Variants in DDAH1 observed in about 807,000 individuals in gnomAD.
The protein encoded by DDAH1 is dimethylarginine dimethylaminohydrolase 1.
DDAH1 carries 19 observed loss-of-function variants against 28.8 expected under a neutral mutation model. The observed-to-expected ratio is 0.66, with a 90% CI of 0.46 to 0.97. The LOEUF is 0.97. Among genes scored for constraint, DDAH1 ranks in the 50% least tolerant of loss-of-function variants. DDAH1 has a pLI of 0.00. For synonymous variants in DDAH1, 153 were observed against 154.4 expected (o/e 0.99, Z 0.07); for missense variants, 326 against 375.9 (o/e 0.87, Z 1.10).
chr1:85,476,365 T>C (rs889036527), intron 2 of DDAH1, among the ~76,000 whole-genome samples: 1 of 152,166 alleles, frequency 6.6e-6, no homozygotes, highest in Non-Finnish European at 1.5e-5. Context: ...GATTAGGAAT[T>C]GGGGAAAAGC....
At chr1:85,330,545 C>T (rs1245318728) in intron 4 of DDAH1, among the ~76,000 whole-genome samples, 1 of 152,160 alleles carries the variant, frequency 6.6e-6, no homozygotes, top group African/African-American at 2.4e-5. Flanking sequence ...CACCTAAACC[C>T]TCCACACGTC....
At chr1:85,373,406 G>A (rs753914950) in intron 1 of DDAH1, among the ~76,000 whole-genome samples, 1 of 152,018 alleles carries the variant, frequency 6.6e-6, no homozygotes, top group Non-Finnish European at 1.5e-5. Context: ...TCAAAGGAGG[G>A]ACCTGTTATC....
chr1:85,385,991 T>C (rs1409480410), intron 1 of DDAH1, among the ~76,000 whole-genome samples: 4 of 152,024 alleles, frequency 2.6e-5, no homozygotes, highest in Non-Finnish European at 5.9e-5. Context: ...CAGGAACTAA[T>C]AGAGTGAGAA....
chr1:85,370,463 T>C (rs901094581), intron 1 of DDAH1, among the ~76,000 whole-genome samples: 1 of 152,220 alleles, frequency 6.6e-6, no homozygotes, highest in African/African-American at 2.4e-5. Context: ...TTAAGTATTA[T>C]TGGAAGTCAC....
intron 1 of DDAH1, among the ~76,000 whole-genome samples, chr1:85,544,730 C>A (rs1658568679): frequency 1.3e-5 from 2 of 152,178 alleles, no homozygotes; most frequent in South Asian, 4.1e-4. Flanking sequence ...GAACACGACT[C>A]CTTTTAACTA....
chr1:85,342,262 A>G (rs962267137), intron 4 of DDAH1, among the ~76,000 whole-genome samples: 2 of 152,136 alleles, frequency 1.3e-5, no homozygotes, highest in Non-Finnish European at 2.9e-5. Flanking sequence ...TCAACATATG[A>G]TTATTATTTT....
At chr1:85,411,344 G>A (rs967414903) in intron 1 of DDAH1, among the ~76,000 whole-genome samples, 7 of 152,186 alleles carry the variant, frequency 4.6e-5, no homozygotes, top group Non-Finnish European at 1.0e-4. Flanking sequence ...AAGTGTTAAG[G>A]TCAAGTAGGT....
chr1:85,361,189 A>G (rs996755169), intron 1 of DDAH1, among the ~76,000 whole-genome samples: 2 of 152,230 alleles, frequency 1.3e-5, no homozygotes, highest in African/African-American at 4.8e-5. Context: ...CCGTTGAAGC[A>G]GACAAACTCA....
At chr1:85,415,617 A>C (rs1195590124) in intron 1 of DDAH1, among the ~76,000 whole-genome samples, 1 of 152,230 alleles carries the variant, frequency 6.6e-6, no homozygotes, top group Non-Finnish European at 1.5e-5. Flanking sequence ...AAACATAAAA[A>C]GTATGATTCT....
At chr1:85,434,788 C>T (rs1456093916) in intron 1 of DDAH1, among the ~76,000 whole-genome samples, 9 of 152,054 alleles carry the variant, frequency 5.9e-5, no homozygotes, top group Non-Finnish European at 1.2e-4. Context: ...TCTACATATT[C>T]TTGAATCTAG....
chr1:85,350,205 A>G (rs1649118316), intron 4 of DDAH1, among the ~76,000 whole-genome samples: 1 of 152,104 alleles, frequency 6.6e-6, no homozygotes, highest in South Asian at 2.1e-4. Context: ...GTAACTAAAA[A>G]CAGTTCACCA....
chr1:85,395,672 CAAA>C (rs71075833), intron 1 of DDAH1, among the ~76,000 whole-genome samples: 4 of 139,444 alleles, frequency 2.9e-5, no homozygotes, highest in Admixed American at 7.1e-5. Flanking sequence ...GACTCCATCT[CAAA>C]AAAAAAAAAA....
chr1:85,437,304 T>C (rs958301130), intron 1 of DDAH1, among the ~76,000 whole-genome samples: 1 of 152,176 alleles, frequency 6.6e-6, no homozygotes, highest in African/African-American at 2.4e-5. Context: ...GTCTTCCCAG[T>C]ATCAACTGCC....
intron 3 of DDAH1, among the ~76,000 whole-genome samples, 162 bp downstream of exon 3, chr1:85,351,344 A>G (rs1307971424): frequency 1.3e-5 from 2 of 152,196 alleles, no homozygotes; most frequent in Non-Finnish European, 2.9e-5. Context: ...AGGAATTTGA[A>G]TTTTATAGCT....
chr1:85,438,127 T>C (rs1654026182), intron 1 of DDAH1, among the ~76,000 whole-genome samples: 1 of 152,240 alleles, frequency 6.6e-6, no homozygotes, highest in East Asian at 1.9e-4. Flanking sequence ...GAGCTAAACA[T>C]TGTGTGCACA....
chr1:85,426,281 T>A (rs933603580), intron 1 of DDAH1, among the ~76,000 whole-genome samples: 2 of 152,210 alleles, frequency 1.3e-5, no homozygotes, highest in African/African-American at 4.8e-5. Context: ...TTTCCTTACC[T>A]ATAAAATGGT....
At chr1:85,333,977 A>G (rs1647946363) in intron 4 of DDAH1, among the ~76,000 whole-genome samples, 1 of 152,200 alleles carries the variant, frequency 6.6e-6, no homozygotes, top group African/African-American at 2.4e-5. Flanking sequence ...TTTCCCCAGC[A>G]TATTATAATC....
intron 1 of DDAH1, among the ~76,000 whole-genome samples, chr1:85,509,305 CA>C (rs533778592): frequency 5.3e-5 from 8 of 152,316 alleles, no homozygotes; most frequent in Admixed American, 3.9e-4. Flanking sequence ...TCAACATCAA[CA>C]AAAAGGTCAT....
chr1:85,361,757 G>A (rs970886763), intron 1 of DDAH1, among the ~76,000 whole-genome samples: 1 of 151,884 alleles, frequency 6.6e-6, no homozygotes, highest in Non-Finnish European at 1.5e-5. Context: ...TTCTTCTCTG[G>A]TCACAGCTGC....
Sources: allele counts gnomAD v4.1 joint callset (sites outside exome capture counted in the v4.1 genomes callset), GRCh38; gene constraint gnomAD v4.1.1; transcripts MANE v1.5; gene names NCBI Gene and HGNC (gene_info 2026-07-23, HGNC 2026-07-21).